CECR2: variants seen among roughly 807,000 people sequenced by gnomAD.
CECR2 encodes chromatin remodeling regulator CECR2.
Under a neutral mutation model 154.5 loss-of-function variants are expected in CECR2, and 30 were observed. The observed-to-expected ratio is 0.19, with a 90% CI of 0.15 to 0.26. CECR2 has a LOEUF of 0.26. Ranked by LOEUF, CECR2 falls within the 10% of genes least tolerant of loss-of-function variation. The pLI, the probability that CECR2 is intolerant of heterozygous loss-of-function variation, is 1.00. For synonymous variants in CECR2, 725 were observed against 683.7 expected, an observed-to-expected ratio of 1.06 and a Z score of -0.94; for missense variants, 1,743 against 1,829.3, an observed-to-expected ratio of 0.95 and a Z score of 0.86.
At chr22:17,462,791 T>G (rs1180960878) in intron 1 of CECR2, among the ~76,000 whole-genome samples, 4 of 152,154 alleles carry the variant, frequency 2.6e-5, no homozygotes, top group African/African-American at 4.8e-5. Flanking sequence ...CGAGCACCTG[T>G]AATCCCATCT....
rs1156653093 is a variant in CECR2, at chr22:17,548,525, C to T, written c.3238C>T (p.Leu1080Phe). ...GLGSSGSEKL[L>F]CPRGRTLQET... ...TGGTAGCAGTGGTTCCGAAAAGCTG[C>T]TCTGCCCCAGAGGCAGAACGTTGCA... is the stretch of plus-strand genomic sequence containing the variant. The change falls in exon 17 of 19, where the codon CTC (leucine) becomes TTC (phenylalanine). Residue 1080 changes from leucine to phenylalanine, a missense_variant. By Grantham distance (22) the Leu-to-Phe change is conservative. Coordinates refer to ENST00000262608, the MANE Select transcript of CECR2 (RefSeq NM_001290047.2). 6.2e-7 allele frequency: 1 copy of T among 1,613,754 alleles called. No individual in the cohort carries two copies. Among genetic ancestry groups the T allele is most frequent in the Non-Finnish European group, 8.5e-7 (1 of 1,179,806 alleles).
intron 1 of CECR2, among the ~76,000 whole-genome samples, chr22:17,418,074 G>A (rs998345187): frequency 1.3e-5 from 2 of 152,100 alleles, no homozygotes; most frequent in African/African-American, 4.8e-5. Context: ...AGTTTTGACA[G>A]CTGTATACAA....
chr22:17,408,437 C>T (rs1184797129), intron 1 of CECR2, among the ~76,000 whole-genome samples: 2 of 152,176 alleles, frequency 1.3e-5, no homozygotes, highest in Non-Finnish European at 1.5e-5. Flanking sequence ...TGGCAGCTGT[C>T]ATGGTAGCCA....
At chr22:17,488,334 G>A (rs933606106) in intron 2 of CECR2, among the ~76,000 whole-genome samples, 2 of 152,110 alleles carry the variant, frequency 1.3e-5, no homozygotes, top group Non-Finnish European at 1.5e-5. Context: ...TACGTTCATC[G>A]TGTCTTTTTT....
chr22:17,518,437 G>C (rs1409689820), intron 8 of CECR2, among the ~76,000 whole-genome samples: 1 of 152,146 alleles, frequency 6.6e-6, no homozygotes, highest in Non-Finnish European at 1.5e-5. Context: ...TGGTCTTTCT[G>C]TTCTACCCCA....
chr22:17,549,691 C>T lies in CECR2; in HGVS notation c.4277+127C>T, dbSNP rs1265198798. ...GCAGTGGTGTGATCATGGCTCACGGCGGCATCGACCTCCCAGGCTCAAGGA... is the reference window on the plus strand; with the variant it reads ...GCAGTGGTGTGATCATGGCTCACGGTGGCATCGACCTCCCAGGCTCAAGGA... On this transcript the variant is annotated intron_variant, in intron 17 of 18. Coordinates refer to ENST00000262608, the MANE Select transcript of CECR2 (RefSeq NM_001290047.2). 2.5e-5 allele frequency: 19 copies of T among 770,142 alleles called. 1 individual carries two copies. The highest frequency in any genetic ancestry group is 7.1e-5 in the African/African-American group (4 of 56,488). The allele number at this position is 770,142 out of a possible 1,614,324, so 47.7% of individuals were successfully genotyped here.
upstream of CECR2, among the ~76,000 whole-genome samples, chr22:17,365,089 T>C (rs1052855500): frequency 6.6e-6 from 1 of 151,868 alleles, no homozygotes; most frequent in Non-Finnish European, 1.5e-5. Context: ...CCAGGCGTGG[T>C]GGTGCGTGCC....
chr22:17,545,405 C>A (rs1323287935), intron 16 of CECR2, among the ~76,000 whole-genome samples: 3 of 133,910 alleles, frequency 2.2e-5, no homozygotes, highest in Non-Finnish European at 3.2e-5. Flanking sequence ...AAAGAAATGC[C>A]GTTTAAGAGG....
In CECR2 at chr22:17,552,883, G is replaced by A. The variant is rs1460130075; in HGVS notation, c.*43G>A. The A allele has an allele frequency of 1.8e-5, 28 of 1,537,912 alleles. No individual in the cohort carries two copies. The highest frequency in any genetic ancestry group is 2.0e-5 in the Non-Finnish European group (23 of 1,139,602). On this transcript the variant is annotated 3_prime_UTR_variant, in exon 19 of 19. Transcript: ENST00000262608. Reference sequence around the variant, plus strand: ...CCCCAAGCAATGGAAAGCTGCACACGAAGACTGGAATGTGGAGAACTGGGG... The same window carrying A: ...CCCCAAGCAATGGAAAGCTGCACACAAAGACTGGAATGTGGAGAACTGGGG...
intron 1 of CECR2, among the ~76,000 whole-genome samples, chr22:17,396,704 C>T (rs2053817548): frequency 6.6e-6 from 1 of 152,272 alleles, no homozygotes; most frequent in Non-Finnish European, 1.5e-5. Flanking sequence ...GTGTTTAGAA[C>T]ATTCCTGGTA....
intron 1 of CECR2, among the ~76,000 whole-genome samples, chr22:17,379,552 G>C (rs1260760742): frequency 6.7e-6 from 1 of 149,940 alleles, no homozygotes; most frequent in South Asian, 2.1e-4. Flanking sequence ...CCATGACCAG[G>C]TCAAAAGTTC....
chr22:17,386,964 T>C (rs2063270312), intron 1 of CECR2, among the ~76,000 whole-genome samples: 1 of 152,224 alleles, frequency 6.6e-6, no homozygotes, highest in African/African-American at 2.4e-5. Context: ...GATGTGCCTT[T>C]CTTTCATTAG....
chr22:17,378,548 A>G (rs1353857373), intron 1 of CECR2, among the ~76,000 whole-genome samples: 3 of 152,130 alleles, frequency 2.0e-5, no homozygotes, highest in Admixed American at 6.5e-5. Context: ...GGCCTCCCAA[A>G]GTGTTGGGAT....
Position 17,537,143 on chromosome 22 carries a change from G to C in CECR2, c.1149G>C (p.Trp383Cys), listed in dbSNP as rs1413497823. ...GAAAGCTCAGGGAAGAAAGGGCATG[G>C]CTGCTGGCTCAAGGAAAGGAGCTCC... ...KRRKLREERA[W>C]LLAQGKELPP... Residue 383 changes from tryptophan (W) to cysteine (C), a missense_variant, in exon 10 of 19, where the codon TGG becomes TGC. Physicochemically the swap from Trp to Cys is radical, Grantham distance 215 (BLOSUM62 -2). This residue lies in a region of CECR2 where 292 missense variants were observed against 301.2 expected (regional missense o/e 0.97). Coordinates refer to ENST00000262608, the MANE Select transcript of CECR2 (RefSeq NM_001290047.2). The C allele has an allele frequency of 6.2e-7, 1 of 1,613,826 alleles. No homozygotes were observed. Among genetic ancestry groups the C allele is most frequent in the Non-Finnish European group, 8.5e-7 (1 of 1,179,882 alleles).
chr22:17,530,601 C>A (rs996708404), intron 9 of CECR2, among the ~76,000 whole-genome samples: 1 of 150,106 alleles, frequency 6.7e-6, no homozygotes, highest in African/African-American at 2.4e-5. Flanking sequence ...TGCTTGAATT[C>A]GGGAGGCAGA....
At chr22:17,426,519 G>A (rs1467127676) in intron 1 of CECR2, among the ~76,000 whole-genome samples, 1 of 152,116 alleles carries the variant, frequency 6.6e-6, no homozygotes, top group Non-Finnish European at 1.5e-5. Context: ...ACCACGCCCA[G>A]CTAATTTTTG....
Position 17,525,285 on chromosome 22 carries a change from C to CAAAAAAAAAAAA in CECR2, c.1108+1014_1108+1015insAAAAAAAAAAAA, listed in dbSNP as rs1569142080. On this transcript the variant is annotated intron_variant, in intron 9 of 18. Transcript: ENST00000262608. ...GGGCAACAAGAGTGAAACTCCATCT[C>CAAAAAAAAAAAA]CAAAAAAAAAAAAAAAAAAAAAAAA... Among the ~76,000 whole-genome samples, 130 of 32,322 alleles carry CAAAAAAAAAAAA rather than the reference C, an allele frequency of 4.0e-3. 46 individuals carry two copies. The highest frequency in any genetic ancestry group is 0.018 in the East Asian group (6 of 342). 21.2% of individuals were successfully genotyped at this position (32,322 alleles called of 152,430 possible).
At chr22:17,449,656 A>C (rs1339742871) in intron 1 of CECR2, among the ~76,000 whole-genome samples, 4 of 151,406 alleles carry the variant, frequency 2.6e-5, no homozygotes, top group Non-Finnish European at 2.9e-5. Flanking sequence ...CGCCCGGCTA[A>C]TTTTTTGTAT....
At chr22:17,460,311 G>A (rs903970107) in intron 1 of CECR2, among the ~76,000 whole-genome samples, 2 of 152,178 alleles carry the variant, frequency 1.3e-5, no homozygotes, top group Admixed American at 1.3e-4. Context: ...CTGGGTTCAA[G>A]CAATTCTCCC....
Sources: allele counts gnomAD v4.1 joint callset (sites outside exome capture counted in the v4.1 genomes callset), GRCh38; gene constraint gnomAD v4.1.1; regional missense constraint gnomAD v4.1.1; transcripts MANE v1.5; gene names NCBI Gene and HGNC (gene_info 2026-07-23, HGNC 2026-07-21).